The following CDYL2 variants were observed in gnomAD, a reference collection of about 807,000 sequenced individuals.
The protein encoded by CDYL2 is chromodomain Y like 2.
A neutral mutation model predicts 49.4 loss-of-function variants in CDYL2; 23 were observed. The observed-to-expected ratio is 0.47, with a 90% CI of 0.34 to 0.66. The LOEUF (loss-of-function observed/expected upper bound fraction) is 0.66, where lower values mean the gene tolerates loss of function less well. Ranked by LOEUF, CDYL2 falls within the 30% of genes least tolerant of loss-of-function variation. CDYL2 has a pLI of 0.01. For missense variants in CDYL2, 678 were observed against 656.4 expected, an observed-to-expected ratio of 1.03 and a Z score of -0.36; for synonymous variants, 360 against 268.8, an observed-to-expected ratio of 1.34 and a Z score of -3.32.
At chr16:80,671,492 G>A (rs1163995984) in intron 2 of CDYL2, among the ~76,000 whole-genome samples, 2 of 152,152 alleles carry the variant, frequency 1.3e-5, no homozygotes, top group African/African-American at 4.8e-5. Flanking sequence ...AAGCACACCA[G>A]CCCCTGCCCC....
At chr16:80,782,960 C>G (rs1326282560) in intron 1 of CDYL2, among the ~76,000 whole-genome samples, 1 of 152,178 alleles carries the variant, frequency 6.6e-6, no homozygotes, top group East Asian at 1.9e-4. Flanking sequence ...ACCATTTTCT[C>G]CACTTCTGTT....
At chr16:80,775,569 A>T (rs1396402238) in intron 1 of CDYL2, among the ~76,000 whole-genome samples, 1 of 151,866 alleles carries the variant, frequency 6.6e-6, no homozygotes, top group East Asian at 1.9e-4. Context: ...ATATATAACT[A>T]CTAGAACACT....
rs945294720 is a variant in CDYL2, at chr16:80,612,489, G to A, written c.1218+137C>T. On this transcript the variant is annotated intron_variant, in intron 5 of 6. Transcript: ENST00000570137. This position sits in a 1 kb window ranked among gnomAD's most constrained non-coding sequence, Gnocchi z 5.0. ...GGCTACTCCATCTGGCACTGAAGGT[G>A]TGAAGGACATGAGGCAGCCAAGCCA... The A allele has an allele frequency of 2.6e-6, 2 of 776,310 alleles. No homozygotes were observed. Among genetic ancestry groups the A allele is most frequent in the African/African-American group, 3.5e-5 (2 of 57,470 alleles). The allele number at this position is 776,310 out of a possible 1,614,324, so 48.1% of individuals were successfully genotyped here.
intron 1 of CDYL2, among the ~76,000 whole-genome samples, chr16:80,710,376 A>G (rs1904554174): frequency 6.6e-6 from 1 of 152,212 alleles, no homozygotes; most frequent in African/African-American, 2.4e-5. Context: ...ATATTTACCA[A>G]GTTATGTCCA....
intron 3 of CDYL2, among the ~76,000 whole-genome samples, chr16:80,630,072 A>T (rs1337038353): frequency 6.6e-6 from 1 of 152,214 alleles, no homozygotes; most frequent in East Asian, 1.9e-4. Context: ...TAAAACCTGT[A>T]TTCCTCCTCT....
intron 1 of CDYL2, among the ~76,000 whole-genome samples, chr16:80,801,269 C>T (rs1410777772): frequency 6.6e-6 from 1 of 152,240 alleles, no homozygotes; most frequent in Non-Finnish European, 1.5e-5. Flanking sequence ...GAGAAACAAA[C>T]CAGAACTATC....
At chr16:80,755,930 C>G (rs1329759348) in intron 1 of CDYL2, among the ~76,000 whole-genome samples, 1 of 152,132 alleles carries the variant, frequency 6.6e-6, no homozygotes, top group Non-Finnish European at 1.5e-5. Flanking sequence ...AAAATAAAGT[C>G]TACTATACCC....
chr16:80,660,918 G>C (rs1342775797), intron 2 of CDYL2, among the ~76,000 whole-genome samples: 1 of 152,132 alleles, frequency 6.6e-6, no homozygotes, highest in East Asian at 1.9e-4. Flanking sequence ...ATAGAAACTT[G>C]TCATTAAAGA....
At chr16:80,673,543 G>A (rs1909618417) in intron 2 of CDYL2, among the ~76,000 whole-genome samples, 1 of 152,114 alleles carries the variant, frequency 6.6e-6, no homozygotes, top group African/African-American at 2.4e-5. Context: ...ATGCACAGAT[G>A]TGCAAGTGCA....
intron 1 of CDYL2, among the ~76,000 whole-genome samples, chr16:80,753,777 G>C (rs933423919): frequency 2.0e-5 from 3 of 152,202 alleles, no homozygotes; most frequent in East Asian, 1.9e-4. Flanking sequence ...GGAAAAGACA[G>C]ATAAACTAGA....
Position 80,633,101 on chromosome 16 carries a change from T to A in CDYL2, c.752A>T (p.Asp251Val). ...RQNESNCRFR[D>V]IVVRKEEGFT... ...CCCTTCTTCCTTCCGCACAACGATG[T>A]CTCGAAACCGACAGTTGCTTTCATT... The change falls in exon 3 of 7, where the codon GAC becomes GTC. Residue 251 changes from aspartate to valine, a missense_variant. Transcript: ENST00000570137. The A allele has an allele frequency of 6.2e-7, 1 of 1,614,164 alleles. No homozygotes were observed. Among genetic ancestry groups the A allele is most frequent in the South Asian group, 1.1e-5 (1 of 91,066 alleles).
At chr16:80,634,397 C>T (rs766870862) in intron 2 of CDYL2, among the ~76,000 whole-genome samples, 26 of 152,122 alleles carry the variant, frequency 1.7e-4, no homozygotes, top group Admixed American at 1.5e-3. Flanking sequence ...ATCGCAAGGA[C>T]AGAAAACCAA....
chr16:80,616,789 G>A (rs77157616), intron 4 of CDYL2, among the ~76,000 whole-genome samples: 1 of 152,204 alleles, frequency 6.6e-6, no homozygotes, highest in African/African-American at 2.4e-5. Flanking sequence ...ACATATTAGT[G>A]CCAGGAATAG....
chr16:80,720,060 TG>T (rs1904947131), intron 1 of CDYL2, among the ~76,000 whole-genome samples: 1 of 152,192 alleles, frequency 6.6e-6, no homozygotes, highest in Non-Finnish European at 1.5e-5. Context: ...CAGCCTTTAG[TG>T]GTCGAGCAAA....
At chr16:80,646,472 C>T (rs1908351073) in intron 2 of CDYL2, among the ~76,000 whole-genome samples, 2 of 151,852 alleles carry the variant, frequency 1.3e-5, no homozygotes, top group Admixed American at 1.3e-4. Flanking sequence ...ACTCTTCAAT[C>T]AAAAGACAGA....
At chr16:80,656,028 A>G (rs1322653425) in intron 2 of CDYL2, among the ~76,000 whole-genome samples, 1 of 152,234 alleles carries the variant, frequency 6.6e-6, no homozygotes, top group Non-Finnish European at 1.5e-5. Flanking sequence ...GAAGCAAGGA[A>G]GCCACACGAG....
chr16:80,663,386 C>A (rs1467731015), intron 2 of CDYL2, among the ~76,000 whole-genome samples: 1 of 151,710 alleles, frequency 6.6e-6, no homozygotes, highest in Non-Finnish European at 1.5e-5. Context: ...CTCTCAGGAC[C>A]TGAATGCAAT....
At chr16:80,661,326 T>C (rs536261592) in intron 2 of CDYL2, among the ~76,000 whole-genome samples, 41 of 152,232 alleles carry the variant, frequency 2.7e-4, no homozygotes, top group African/African-American at 9.9e-4. Flanking sequence ...GTAGAAGTGA[T>C]CTACACCTGC....
At chr16:80,636,048 T>A (rs966096073) in intron 2 of CDYL2, among the ~76,000 whole-genome samples, 7 of 152,168 alleles carry the variant, frequency 4.6e-5, no homozygotes. Flanking sequence ...TCTTATGCCT[T>A]ATAGAAAAAT....
Sources: allele counts gnomAD v4.1 joint callset (sites outside exome capture counted in the v4.1 genomes callset), GRCh38; gene constraint gnomAD v4.1.1; non-coding constraint Gnocchi (gnomAD v3.1); transcripts MANE v1.5; gene names NCBI Gene and HGNC (gene_info 2026-07-23, HGNC 2026-07-21).